Variants in FCHSD2 observed in about 807,000 individuals in gnomAD.
The protein encoded by FCHSD2 is F-BAR and double SH3 domains protein 2.
In FCHSD2, 38 loss-of-function variants were observed where a neutral mutation model predicts 108.1. The observed-to-expected ratio is 0.35, with a 90% CI of 0.27 to 0.46. FCHSD2 has a LOEUF of 0.46. Among genes scored for constraint, FCHSD2 ranks in the 20% least tolerant of loss-of-function variants. The probability of loss-of-function intolerance (pLI) is 1.00; values close to 1 mark genes in which losing one functional copy is unlikely to be tolerated. For synonymous variants in FCHSD2, 279 were observed against 314.7 expected (o/e 0.89, Z 1.20); for missense variants, 751 against 897.8 (o/e 0.84, Z 2.09).
intron 2 of FCHSD2, among the ~76,000 whole-genome samples, chr11:73,100,427 A>G (rs1860196452): frequency 1.3e-5 from 2 of 151,876 alleles, no homozygotes; most frequent in South Asian, 4.2e-4. Context: ...GCAATGGTGC[A>G]ATCTCGGTTC....
intron 3 of FCHSD2, among the ~76,000 whole-genome samples, chr11:73,082,352 A>G (rs1013636457): frequency 2.7e-5 from 4 of 149,800 alleles, no homozygotes; most frequent in African/African-American, 7.3e-5. Context: ...AAAAAAAAAA[A>G]AAAAAAAAAA....
chr11:72,984,746 G>T (rs529953102), intron 7 of FCHSD2, among the ~76,000 whole-genome samples: 41 of 152,312 alleles, frequency 2.7e-4, no homozygotes, highest in African/African-American at 9.4e-4. Flanking sequence ...AAATCTAAAC[G>T]AAATAGATTT....
intron 4 of FCHSD2, among the ~76,000 whole-genome samples, chr11:73,007,358 C>T (rs1014194513): frequency 1.3e-5 from 2 of 152,038 alleles, no homozygotes; most frequent in African/African-American, 2.4e-5. Flanking sequence ...CAGTGGCTCA[C>T]GCATGTAATC....
chr11:72,927,203 A>T (rs1318595849), intron 8 of FCHSD2, among the ~76,000 whole-genome samples: 1 of 152,262 alleles, frequency 6.6e-6, no homozygotes, highest in African/African-American at 2.4e-5. Flanking sequence ...AGGTCTAACT[A>T]AACCAGATGT....
At chr11:72,844,914 C>A (rs1045731650) in intron 14 of FCHSD2, among the ~76,000 whole-genome samples, 9 of 152,102 alleles carry the variant, frequency 5.9e-5, no homozygotes, top group South Asian at 2.1e-4. Context: ...GAGGAAAAAA[C>A]CCCACTCATT....
chr11:72,888,963 T>G (rs1051026470), intron 11 of FCHSD2, among the ~76,000 whole-genome samples: 2 of 149,558 alleles, frequency 1.3e-5, no homozygotes, highest in East Asian at 4.0e-4. Flanking sequence ...GTCTTTCTTT[T>G]TTCTTTTTAT....
intron 4 of FCHSD2, among the ~76,000 whole-genome samples, chr11:73,007,896 A>C (rs1857776266): frequency 6.6e-6 from 1 of 152,220 alleles, no homozygotes; most frequent in Non-Finnish European, 1.5e-5. Flanking sequence ...GGAATGTAAG[A>C]GCACTCTTTG....
intron 9 of FCHSD2, among the ~76,000 whole-genome samples, chr11:72,905,251 C>T (rs533259600): frequency 3.3e-5 from 5 of 152,000 alleles, no homozygotes; most frequent in East Asian, 3.9e-4. Flanking sequence ...GCCTGTGTCC[C>T]GCTCTCCTTT....
intron 13 of FCHSD2, 120 bp downstream of exon 13, chr11:72,867,745 C>A: frequency 2.5e-6 from 2 of 786,170 alleles, no homozygotes; most frequent in Non-Finnish European, 4.0e-6. Flanking sequence ...AGAATAAAAC[C>A]TAAATCACTA....
At chr11:72,983,969 G>T in intron 8 of FCHSD2, 119 bp downstream of exon 8, 1 of 773,552 alleles carries the variant, frequency 1.3e-6, no homozygotes, top group Non-Finnish European at 2.2e-6. Flanking sequence ...ATATTCCAAT[G>T]AGATGCAACA....
intron 18 of FCHSD2, among the ~76,000 whole-genome samples, chr11:72,841,184 A>C (rs898072041): frequency 6.6e-6 from 1 of 151,774 alleles, no homozygotes; most frequent in African/African-American, 2.4e-5. Flanking sequence ...AAATACAAAA[A>C]TTAGCTGTGT....
chr11:73,040,134 G>A (rs145687923), intron 3 of FCHSD2, among the ~76,000 whole-genome samples: 3 of 152,210 alleles, frequency 2.0e-5, no homozygotes, highest in Non-Finnish European at 4.4e-5. Flanking sequence ...GTTACACAAA[G>A]GCTGAGTTCA....
At chr11:72,987,389 T>C (rs1204540612) in intron 6 of FCHSD2, among the ~76,000 whole-genome samples, 2 of 152,230 alleles carry the variant, frequency 1.3e-5, no homozygotes, top group Non-Finnish European at 1.5e-5. Context: ...AAGTAAGTTA[T>C]TAGTTAATAT....
At chr11:72,987,115 A>G (rs943737431) in intron 6 of FCHSD2, among the ~76,000 whole-genome samples, 1 of 152,120 alleles carries the variant, frequency 6.6e-6, no homozygotes, top group Non-Finnish European at 1.5e-5. Context: ...CATCTCCTTC[A>G]AATTGTATCC....
chr11:72,841,042 C>A, intron 18 of FCHSD2, 83 bp from the exon 19 acceptor site: 1 of 1,026,628 alleles, frequency 9.7e-7, no homozygotes, highest in Non-Finnish European at 1.5e-6. Context: ...GTGGCTTGAG[C>A]CTGTAATCCC....
At chr11:73,003,004 A>AAATG (rs1351450381) in intron 4 of FCHSD2, among the ~76,000 whole-genome samples, 6 of 152,358 alleles carry the variant, frequency 3.9e-5, no homozygotes, top group South Asian at 4.1e-4. Flanking sequence ...AGGAGTAAAT[A>AAATG]AATGAATGGA....
intron 8 of FCHSD2, among the ~76,000 whole-genome samples, chr11:72,979,238 A>G (rs894982123): frequency 3.9e-5 from 6 of 152,206 alleles, no homozygotes; most frequent in African/African-American, 9.7e-5. Context: ...TGGAGAAAAC[A>G]GAACTCTCAT....
chr11:73,049,808 T>C lies in FCHSD2; in HGVS notation c.165+33887A>G, dbSNP rs1858855862. ...TTTAGAGGGTACGTTCTTACCAACT[T>C]TTTAAGGAGAGGATAAAATTTTGTG... On this transcript the variant is annotated intron_variant, in intron 3 of 19. Coordinates refer to ENST00000409418, the MANE Select transcript of FCHSD2 (RefSeq NM_014824.3). Among the ~76,000 whole-genome samples, 3 of 152,140 alleles carry C rather than the reference T, an allele frequency of 2.0e-5. No individual in the cohort carries two copies. In the South Asian group the frequency reaches 6.2e-4, roughly 32 times the overall value.
chr11:73,090,953 C>T (rs1859942740), intron 2 of FCHSD2, among the ~76,000 whole-genome samples: 1 of 152,134 alleles, frequency 6.6e-6, no homozygotes, highest in Admixed American at 6.5e-5. Context: ...CTGTCAACTA[C>T]TAATCTAATT....
Sources: allele counts gnomAD v4.1 joint callset (sites outside exome capture counted in the v4.1 genomes callset), GRCh38; gene constraint gnomAD v4.1.1; transcripts MANE v1.5; gene names NCBI Gene and HGNC (gene_info 2026-07-23, HGNC 2026-07-21).